The following MYEF2 variants were observed in gnomAD, a reference collection of about 807,000 sequenced individuals.
MYEF2 encodes the protein myelin gene expression factor 2.
A neutral mutation model predicts 75.2 loss-of-function variants in MYEF2; 37 were observed. The ratio of observed to expected loss-of-function variants is 0.49; its 90% CI spans 0.38 to 0.65. The LOEUF (loss-of-function observed/expected upper bound fraction) is 0.65. Ranked by LOEUF, MYEF2 falls within the 30% of genes least tolerant of loss-of-function variation. The pLI is 0.00. For synonymous variants in MYEF2, 195 were observed against 241.6 expected (o/e 0.81, Z 1.79); for missense variants, 634 against 771.4 (o/e 0.82, Z 2.11).
chr15:48,166,253 A>T (rs1056198200), intron 3 of MYEF2, 125 bp from the exon 4 acceptor site: 1 of 719,046 alleles, frequency 1.4e-6, no homozygotes, highest in African/African-American at 1.8e-5. Context: ...GAATCACTTC[A>T]TCTTTTATAC....
chr15:48,159,755 G>T lies in MYEF2; in HGVS notation c.575C>A (p.Ser192Ter). The T allele has an allele frequency of 6.2e-7, 1 of 1,613,534 alleles. No homozygotes were observed. The highest frequency in any genetic ancestry group is 8.5e-7 in the Non-Finnish European group (1 of 1,179,716). The part of the protein sequence containing the change: ...ARRALQRTGG[S>*]FPGGHVPDMG... ...ATCAGGGACGTGTCCTCCTGGAAAT[G>T]ATCCTCCTGTTCGCTGCAATGCCCT... The change falls in exon 6 of 17, where the codon TCA becomes TAA. Residue 192 changes from serine (S) to a stop codon, truncating the protein, a stop_gained. Coordinates refer to ENST00000324324, the MANE Select transcript of MYEF2 (RefSeq NM_016132.5). LOFTEE classifies it high-confidence loss of function.
In MYEF2 at chr15:48,140,271, G is replaced by A. The variant is rs2039022213; in HGVS notation, c.*2637C>T. 2 of 151,844 alleles carry A rather than the reference G, an allele frequency of 1.3e-5. No individual in the cohort carries two copies. Among genetic ancestry groups the A allele is most frequent in the South Asian group, 4.2e-4 (2 of 4,808 alleles). 9.4% of individuals were successfully genotyped at this position (151,844 alleles called of 1,614,324 possible). On this transcript the variant is annotated 3_prime_UTR_variant, in exon 17 of 17. Transcript: ENST00000324324. ...GTTATTTATGCACATATGAATTCTAGCAAAGCCAGTAACAGAAATTAACAA... is the reference window on the plus strand; with the variant it reads ...GTTATTTATGCACATATGAATTCTAACAAAGCCAGTAACAGAAATTAACAA...
At position 48,149,023 on chromosome 15, in the gene MYEF2, C is replaced by G; in HGVS notation, c.1639+9G>C. On this transcript the variant is annotated intron_variant, in intron 16 of 16. Coordinates refer to ENST00000324324, the MANE Select transcript of MYEF2 (RefSeq NM_016132.5). This position sits in a 1 kb window ranked among gnomAD's most constrained non-coding sequence, Gnocchi z 4.0. ...ATATCAACATATCTGCAGTCATTTGCATACTTACCACACTGACTGAATTTC... is the reference window on the plus strand; with the variant it reads ...ATATCAACATATCTGCAGTCATTTGGATACTTACCACACTGACTGAATTTC... 2 of 1,612,458 alleles carry G rather than the reference C, an allele frequency of 1.2e-6. No homozygotes were observed. The highest frequency in any genetic ancestry group is 1.7e-6 in the Non-Finnish European group (2 of 1,178,822).
rs1395317153 is a variant in MYEF2 at position 48,137,424 on chromosome 15, A to T, written c.*5484T>A. The T allele has an allele frequency of 1.3e-5, 2 of 152,960 alleles. No homozygotes were observed. The highest frequency in any genetic ancestry group is 4.8e-5 in the African/African-American group (2 of 41,490). 9.5% of individuals were successfully genotyped at this position (152,960 alleles called of 1,614,324 possible). A position where few individuals can be genotyped will look rare whatever the true frequency, so the allele number is the denominator to read the frequency against. On this transcript the variant is annotated 3_prime_UTR_variant, in exon 17 of 17. Coordinates refer to ENST00000324324, the MANE Select transcript of MYEF2 (RefSeq NM_016132.5). The stretch of plus-strand genomic sequence containing the variant: ...GGAAGGAAGGAGAGGAAAGGTAGAA[A>T]GGAATAGGATAAGAAGAATCTTAAA...
chr15:48,160,496 C>T (rs1169200028), intron 5 of MYEF2, among the ~76,000 whole-genome samples: 5 of 151,550 alleles, frequency 3.3e-5, no homozygotes, highest in African/African-American at 7.3e-5. Flanking sequence ...TACACACACA[C>T]ACACACACAC....
At chr15:48,164,353 G>C (rs563696339) in intron 5 of MYEF2, among the ~76,000 whole-genome samples, 2 of 152,236 alleles carry the variant, frequency 1.3e-5, no homozygotes, top group South Asian at 4.1e-4. Flanking sequence ...CTGAAGATGT[G>C]AATAAATTGC....
At chr15:48,153,469 T>C (rs2039573308) in intron 10 of MYEF2, 1 of 165,344 alleles carries the variant, frequency 6.0e-6, no homozygotes, top group Non-Finnish European at 1.3e-5. Context: ...TAGCTGCCTA[T>C]GATATGGTAG....
intron 1 of MYEF2, among the ~76,000 whole-genome samples, chr15:48,172,991 C>A (rs1192032398): frequency 1.3e-5 from 2 of 152,172 alleles, no homozygotes; most frequent in Non-Finnish European, 2.9e-5. Context: ...TCTTTCAAAT[C>A]ATTTTATAAG....
chr15:48,166,919 T>C (rs998977805), intron 3 of MYEF2, among the ~76,000 whole-genome samples: 6 of 152,080 alleles, frequency 3.9e-5, no homozygotes, highest in African/African-American at 9.7e-5. Context: ...CTGCCTCTCA[T>C]GTAGTCCTGC....
intron 2 of MYEF2, 39 bp from the exon 3 acceptor site, chr15:48,167,440 T>A (rs774921088): frequency 6.3e-7 from 1 of 1,593,866 alleles, no homozygotes; most frequent in Non-Finnish European, 8.6e-7. Flanking sequence ...CAAGAAACAA[T>A]ACATTTAAAC....
At chr15:48,153,589 C>T (rs777645502) in intron 10 of MYEF2, 4 of 509,530 alleles carry the variant, frequency 7.9e-6, no homozygotes, top group Non-Finnish European at 1.4e-5. Flanking sequence ...TAGCTGGCCC[C>T]AAAGAAACCC....
Position 48,149,348 on chromosome 15 carries a change from T to A in MYEF2, c.1402A>T (p.Ser468Cys). 6.2e-7 allele frequency: 1 copy of A among 1,612,992 alleles called. No individual in the cohort carries two copies. Among genetic ancestry groups the A allele is most frequent in the Admixed American group, 1.7e-5 (1 of 59,924 alleles). ...GISGGMGSMN[S>C]VTGGMGMGLD... ...CCCATCCCCATTCCTCCAGTCACAC[T>A]GTTCATGCTACCCATTCCACCACCT... Residue 468 changes from serine to cysteine, a missense_variant, in exon 15 of 17, where the codon AGT becomes TGT. Transcript: ENST00000324324. The surrounding 1 kb of genome is among the most constrained non-coding windows in gnomAD (Gnocchi z 4.0).
rs1393408470 is a variant in MYEF2 at position 48,139,107 on chromosome 15, C to A, written c.*3801G>T. 6.2e-7 allele frequency: 1 copy of A among 1,613,134 alleles called. No individual in the cohort carries two copies. Among genetic ancestry groups the A allele is most frequent in the Non-Finnish European group, 8.5e-7 (1 of 1,179,344 alleles). ...TTTTGGAAAAACTACTTTGTGATAA[C>A]CTTTTTCATGTCTGCAATATGGATA... On this transcript the variant is annotated 3_prime_UTR_variant, in exon 17 of 17. Transcript: ENST00000324324.
At position 48,154,075 on chromosome 15, in the gene MYEF2, C is replaced by G. The variant is rs1567250779; in HGVS notation, c.986-182G>C. Reference sequence around the variant, plus strand: ...AGCACACTGAAGCCCGACTATAAAACCATTTATTAATGAGAAGTGTTTTAT... The same window carrying G: ...AGCACACTGAAGCCCGACTATAAAAGCATTTATTAATGAGAAGTGTTTTAT... On this transcript the variant is annotated intron_variant, in intron 9 of 16. Transcript: ENST00000324324. 18 of 508,580 alleles carry G rather than the reference C, an allele frequency of 3.5e-5. No individual in the cohort carries two copies. The East Asian group carries it at 5.6e-4, about 16-fold the overall frequency. The allele number at this position is 508,580 out of a possible 1,614,324, so 31.5% of individuals were successfully genotyped here. A position where few individuals can be genotyped will look rare whatever the true frequency, so the allele number is the denominator to read the frequency against.
At chr15:48,166,647 T>G (rs1158723587) in intron 3 of MYEF2, among the ~76,000 whole-genome samples, 3 of 152,022 alleles carry the variant, frequency 2.0e-5, no homozygotes, top group African/African-American at 7.2e-5. Context: ...ATCTATAAAC[T>G]AATAATAAAT....
chr15:48,141,316 C>T lies in MYEF2; in HGVS notation c.*1592G>A, dbSNP rs966618013. Reference sequence around the variant, plus strand: ...ACTTCCAGCCGGGTGTGGTGGCTCGCGCCTGTAATCCCAGGATTTTGGGAG... The same window carrying T: ...ACTTCCAGCCGGGTGTGGTGGCTCGTGCCTGTAATCCCAGGATTTTGGGAG... On this transcript the variant is annotated 3_prime_UTR_variant, in exon 17 of 17. Transcript: ENST00000324324. 76 of 909,274 alleles carry T rather than the reference C, an allele frequency of 8.4e-5. No individual in the cohort carries two copies. Among genetic ancestry groups the T allele is most frequent in the Non-Finnish European group, 1.1e-4 (68 of 595,902 alleles). The allele number at this position is 909,274 out of a possible 1,614,324, so 56.3% of individuals were successfully genotyped here. A position where few individuals can be genotyped will look rare whatever the true frequency, so the allele number is the denominator to read the frequency against.
intron 3 of MYEF2, among the ~76,000 whole-genome samples, chr15:48,166,514 TA>T (rs1254769293): frequency 2.0e-5 from 3 of 152,004 alleles, no homozygotes; most frequent in Non-Finnish European, 4.4e-5. Flanking sequence ...GTCTACGACA[TA>T]TTTTTCAACT....
At chr15:48,175,491 G>C (rs138700508) in intron 1 of MYEF2, among the ~76,000 whole-genome samples, 1 of 152,106 alleles carries the variant, frequency 6.6e-6, no homozygotes, top group Non-Finnish European at 1.5e-5. Flanking sequence ...GTAGCTATGC[G>C]AGGTAACAGA....
At position 48,149,964 on chromosome 15, in the gene MYEF2, A is replaced by C. The variant is rs2039431267; in HGVS notation, c.1379-593T>G. Reference sequence around the variant, plus strand: ...ATACTCATAGCAAAACATAACTTTTAATCTCAATATTACACGGAACTTGTC... The same window carrying C: ...ATACTCATAGCAAAACATAACTTTTCATCTCAATATTACACGGAACTTGTC... On this transcript the variant is annotated intron_variant, in intron 14 of 16. Transcript: ENST00000324324. The surrounding 1 kb of genome is among the most constrained non-coding windows in gnomAD (Gnocchi z 4.0). 1 of 152,094 alleles carries C rather than the reference A, an allele frequency of 6.6e-6. No homozygotes were observed. Among genetic ancestry groups the C allele is most frequent in the Non-Finnish European group, 1.5e-5 (1 of 68,050 alleles). The allele number at this position is 152,094 out of a possible 1,614,324, so 9.4% of individuals were successfully genotyped here. A position where few individuals can be genotyped will look rare whatever the true frequency, so the allele number is the denominator to read the frequency against.
Sources: allele counts gnomAD v4.1 joint callset (sites outside exome capture counted in the v4.1 genomes callset), GRCh38; gene constraint gnomAD v4.1.1; non-coding constraint Gnocchi (gnomAD v3.1); transcripts MANE v1.5; gene names NCBI Gene and HGNC (gene_info 2026-07-23, HGNC 2026-07-21).